NCALD: variants seen among roughly 807,000 people sequenced by gnomAD.
NCALD encodes neurocalcin delta.
Under a neutral mutation model 18.6 loss-of-function variants are expected in NCALD, and 10 were observed. The observed-to-expected ratio is 0.54, with a 90% CI of 0.33 to 0.91. NCALD has a LOEUF of 0.91. Ranked by LOEUF, NCALD falls within the 40% of genes least tolerant of loss-of-function variation. The probability of loss-of-function intolerance (pLI) is 0.03; values close to 1 mark genes in which losing one functional copy is unlikely to be tolerated. For missense variants in NCALD, 184 were observed against 247.6 expected, an observed-to-expected ratio of 0.74 and a Z score of 1.72; for synonymous variants, 88 against 87.4, an observed-to-expected ratio of 1.01 and a Z score of -0.04.
At chr8:101,964,829 T>G (rs191528171) in intron 2 of NCALD, among the ~76,000 whole-genome samples, 1 of 152,266 alleles carries the variant, frequency 6.6e-6, no homozygotes, top group East Asian at 1.9e-4. Flanking sequence ...CACACATATT[T>G]CATAAAAACA....
intron 1 of NCALD, among the ~76,000 whole-genome samples, chr8:102,051,657 C>G (rs762217669): frequency 1.4e-4 from 22 of 152,214 alleles, no homozygotes; most frequent in Non-Finnish European, 3.1e-4. Context: ...TCAACTGCTG[C>G]TGCTTTTCCA....
At chr8:101,739,982 G>T (rs941315845) in intron 1 of NCALD, among the ~76,000 whole-genome samples, 5 of 152,122 alleles carry the variant, frequency 3.3e-5, no homozygotes, top group African/African-American at 4.8e-5. Context: ...GGTCTGTTTT[G>T]TTCACTGCTA....
At chr8:101,789,498 A>G (rs1812370087) in intron 1 of NCALD, among the ~76,000 whole-genome samples, 1 of 152,232 alleles carries the variant, frequency 6.6e-6, no homozygotes, top group Non-Finnish European at 1.5e-5. Context: ...TTATTACTGT[A>G]GCTAAATACT....
chr8:102,044,308 T>A (rs1823160918), intron 1 of NCALD, among the ~76,000 whole-genome samples: 1 of 151,988 alleles, frequency 6.6e-6, no homozygotes, highest in African/African-American at 2.4e-5. Flanking sequence ...TGCTAGGGAA[T>A]GTGAGGACAC....
chr8:102,105,402 T>A (rs1024228989), intron 1 of NCALD, among the ~76,000 whole-genome samples: 1 of 152,150 alleles, frequency 6.6e-6, no homozygotes. Flanking sequence ...GAAACTAAGA[T>A]AAACAGCAAC....
At position 101,689,674 on chromosome 8, in the gene NCALD, G is replaced by A. The variant is rs1040581568; in HGVS notation, c.485-268C>T. On this transcript the variant is annotated intron_variant, in intron 3 of 3. Coordinates refer to ENST00000220931, the MANE Select transcript of NCALD (RefSeq NM_032041.3). This position sits in a 1 kb window ranked among gnomAD's most constrained non-coding sequence, Gnocchi z 4.4. ...GAGAGCCCACTGTGTGCCCGGCCCT[G>A]GGCCCGGGACTGGGGAGAGGGTGGT... is the stretch of plus-strand genomic sequence containing the variant. Among the ~76,000 whole-genome samples, 2 of 152,222 alleles carry A rather than the reference G, an allele frequency of 1.3e-5. No individual in the cohort carries two copies. Among genetic ancestry groups the A allele is most frequent in the African/African-American group, 4.8e-5 (2 of 41,468 alleles).
At position 101,725,614 on chromosome 8, in the gene NCALD, A is replaced by G. The variant is rs138887345; in HGVS notation, c.-19-5966T>C. Among the ~76,000 whole-genome samples, 791 of 152,306 alleles carry G rather than the reference A, an allele frequency of 5.2e-3. 5 individuals are homozygous for G. The highest frequency in any genetic ancestry group is 0.018 in the African/African-American group (741 of 41,556). On this transcript the variant is annotated intron_variant, in intron 1 of 3. Coordinates refer to ENST00000220931, the MANE Select transcript of NCALD (RefSeq NM_032041.3). ...CGCAGACAGCAACTGCTAAAAGAGCATTAATTGTAACACACCACTAGACAC... is the reference window on the plus strand; with the variant it reads ...CGCAGACAGCAACTGCTAAAAGAGCGTTAATTGTAACACACCACTAGACAC...
At chr8:101,905,991 T>C (rs908867945) in intron 3 of NCALD, among the ~76,000 whole-genome samples, 1 of 152,212 alleles carries the variant, frequency 6.6e-6, no homozygotes, top group African/African-American at 2.4e-5. Context: ...AGTAATTAAA[T>C]CCATGAATCA....
intron 1 of NCALD, chr8:101,750,785 A>G (rs1111885): frequency 0.67 from 100,856 of 151,520 alleles, 35,005 homozygotes; most frequent in Non-Finnish European, 0.76. Context: ...AGAAGCCCCT[A>G]CCCTCATCTT....
chr8:102,005,539 AG>A (rs1821668178), intron 2 of NCALD, among the ~76,000 whole-genome samples: 1 of 152,216 alleles, frequency 6.6e-6, no homozygotes, highest in Admixed American at 6.5e-5. Flanking sequence ...ATATACCCAA[AG>A]GATTATAAAT....
chr8:101,847,241 T>C (rs559398756), intron 4 of NCALD: 13 of 212,546 alleles, frequency 6.1e-5, no homozygotes, highest in African/African-American at 2.5e-4. Context: ...TCTTCTTTTT[T>C]TTTTCCCCAA....
intron 1 of NCALD, chr8:101,788,693 A>T (rs1446762407): frequency 6.6e-6 from 1 of 152,216 alleles, no homozygotes; most frequent in Non-Finnish European, 1.5e-5. Flanking sequence ...AGGCTGCCAA[A>T]GAGGTCCACA....
intron 4 of NCALD, among the ~76,000 whole-genome samples, chr8:101,868,110 C>G (rs1191465797): frequency 6.6e-6 from 1 of 152,216 alleles, no homozygotes; most frequent in East Asian, 1.9e-4. Flanking sequence ...CATTTGACCA[C>G]AGCCCACCTC....
chr8:101,840,716 TGC>T (rs907435430), intron 4 of NCALD, among the ~76,000 whole-genome samples: 1 of 152,198 alleles, frequency 6.6e-6, no homozygotes, highest in African/African-American at 2.4e-5. Flanking sequence ...TAGATATGTG[TGC>T]CTATCACTCA....
At chr8:102,113,992 G>A (rs1825710259) in intron 1 of NCALD, among the ~76,000 whole-genome samples, 1 of 152,230 alleles carries the variant, frequency 6.6e-6, no homozygotes, top group African/African-American at 2.4e-5. Context: ...TCCCCTCAAG[G>A]GGGTCACTCC....
At chr8:102,100,194 T>C (rs1825231673) in intron 1 of NCALD, among the ~76,000 whole-genome samples, 1 of 152,282 alleles carries the variant, frequency 6.6e-6, no homozygotes, top group South Asian at 2.1e-4. Context: ...CTCTTCAGCA[T>C]ACATAGCACA....
At chr8:101,922,021 G>A (rs1461206385) in intron 2 of NCALD, among the ~76,000 whole-genome samples, 1 of 150,954 alleles carries the variant, frequency 6.6e-6, no homozygotes, top group African/African-American at 2.4e-5. Context: ...TCAGCTCACT[G>A]TAACCTCCAC....
intron 1 of NCALD, among the ~76,000 whole-genome samples, chr8:102,077,907 T>C (rs763582186): frequency 9.9e-5 from 15 of 152,160 alleles, no homozygotes; most frequent in Non-Finnish European, 2.2e-4. Context: ...ACACATTCTC[T>C]CTCTGGGTGA....
At chr8:101,898,452 G>C (rs1400735573) in intron 3 of NCALD, among the ~76,000 whole-genome samples, 1 of 152,016 alleles carries the variant, frequency 6.6e-6, no homozygotes, top group African/African-American at 2.4e-5. Flanking sequence ...TTTTCTCCTA[G>C]TCTATAGCTT....
Sources: allele counts gnomAD v4.1 joint callset (sites outside exome capture counted in the v4.1 genomes callset), GRCh38; gene constraint gnomAD v4.1.1; non-coding constraint Gnocchi (gnomAD v3.1); transcripts MANE v1.5; gene names NCBI Gene and HGNC (gene_info 2026-07-23, HGNC 2026-07-21).